DLG2: variants seen among roughly 807,000 people sequenced by gnomAD.
The protein encoded by DLG2 is discs large MAGUK scaffold protein 2.
In DLG2, 45 loss-of-function variants were observed where a neutral mutation model predicts 132.5. That is an observed-to-expected ratio of 0.34 (90% confidence interval 0.27 to 0.44). The LOEUF (loss-of-function observed/expected upper bound fraction) is 0.44. Among genes scored for constraint, DLG2 ranks in the 20% least tolerant of loss-of-function variants. The probability of loss-of-function intolerance (pLI) is 1.00; values close to 1 mark genes in which losing one functional copy is unlikely to be tolerated. For synonymous variants in DLG2, 424 were observed against 419.6 expected (o/e 1.01, Z -0.13); for missense variants, 1,045 against 1,196.9 (o/e 0.87, Z 1.87).
intron 7 of DLG2, among the ~76,000 whole-genome samples, chr11:84,516,257 G>C (rs1025590955): frequency 1.3e-5 from 2 of 151,266 alleles, no homozygotes; most frequent in African/African-American, 2.4e-5. Flanking sequence ...ATAGAGTCTA[G>C]AGAAACACTG....
At chr11:84,600,449 A>T (rs1008445250) in intron 6 of DLG2, among the ~76,000 whole-genome samples, 11 of 152,148 alleles carry the variant, frequency 7.2e-5, no homozygotes, top group Admixed American at 1.3e-4. Flanking sequence ...CCCTTCCCCT[A>T]TTCTCTCCAC....
chr11:83,872,258 A>G (rs1398344611), intron 16 of DLG2, among the ~76,000 whole-genome samples: 2 of 152,178 alleles, frequency 1.3e-5, no homozygotes, highest in Non-Finnish European at 2.9e-5. Flanking sequence ...GCGAGACTCC[A>G]TCTCAAACAA....
intron 15 of DLG2, among the ~76,000 whole-genome samples, chr11:83,912,746 GTTC>G (rs773259304): frequency 1.3e-5 from 2 of 152,096 alleles, no homozygotes; most frequent in Non-Finnish European, 2.9e-5. Flanking sequence ...ACATTGCAAA[GTTC>G]TTCTTTTCTT....
intron 5 of DLG2, among the ~76,000 whole-genome samples, chr11:85,150,350 A>G (rs1042561254): frequency 3.3e-5 from 5 of 152,084 alleles, no homozygotes; most frequent in African/African-American, 9.7e-5. Context: ...GTATCATAAG[A>G]AGAACCACAT....
At chr11:85,269,896 T>A (rs898455086) in intron 4 of DLG2, among the ~76,000 whole-genome samples, 2 of 152,174 alleles carry the variant, frequency 1.3e-5, no homozygotes, top group African/African-American at 4.8e-5. Context: ...ATAATAGTAA[T>A]AATAATACCC....
At chr11:84,586,882 A>G (rs1168590615) in intron 6 of DLG2, among the ~76,000 whole-genome samples, 1 of 152,224 alleles carries the variant, frequency 6.6e-6, no homozygotes, top group African/African-American at 2.4e-5. Context: ...AAAAAGTACA[A>G]AGACTTGAAA....
At chr11:83,474,503 T>G (rs1162510554) in intron 22 of DLG2, among the ~76,000 whole-genome samples, 1 of 152,136 alleles carries the variant, frequency 6.6e-6, no homozygotes, top group Non-Finnish European at 1.5e-5. Context: ...AGGGGAAATC[T>G]TCAACAATTA....
At chr11:84,380,385 CAA>C (rs2098745166) in intron 7 of DLG2, among the ~76,000 whole-genome samples, 2 of 151,896 alleles carry the variant, frequency 1.3e-5, no homozygotes, top group Admixed American at 6.6e-5. Context: ...CAACAAATGT[CAA>C]AGAGTCTATG....
chr11:85,122,146 G>A (rs1244005586), intron 5 of DLG2, among the ~76,000 whole-genome samples: 1 of 152,130 alleles, frequency 6.6e-6, no homozygotes, highest in Middle Eastern at 3.2e-3. Context: ...AACTTCCCCT[G>A]TCCTCAAGGA....
At chr11:84,456,014 A>C (rs926989304) in intron 7 of DLG2, among the ~76,000 whole-genome samples, 1 of 151,286 alleles carries the variant, frequency 6.6e-6, no homozygotes, top group African/African-American at 2.4e-5. Flanking sequence ...GAAAATGAGC[A>C]TAACCCTCAT....
chr11:85,159,531 C>T (rs1007007111), intron 4 of DLG2, among the ~76,000 whole-genome samples: 28 of 152,218 alleles, frequency 1.8e-4, no homozygotes, highest in African/African-American at 6.8e-4. Flanking sequence ...ATTCCCACTA[C>T]ATCCCCATTC....
chr11:85,181,664 G>A (rs2079712761), intron 4 of DLG2, among the ~76,000 whole-genome samples: 1 of 151,600 alleles, frequency 6.6e-6, no homozygotes, highest in South Asian at 2.1e-4. Flanking sequence ...TATTCATTTT[G>A]CTTCTGATTA....
chr11:83,662,088 CAGAA>C (rs2074426528), intron 18 of DLG2, among the ~76,000 whole-genome samples: 1 of 152,050 alleles, frequency 6.6e-6, no homozygotes, highest in Non-Finnish European at 1.5e-5. Flanking sequence ...GAAACAGCAG[CAGAA>C]AGAAAGTACT....
At chr11:83,899,375 G>A (rs1375248452) in intron 15 of DLG2, among the ~76,000 whole-genome samples, 1 of 152,162 alleles carries the variant, frequency 6.6e-6, no homozygotes, top group Non-Finnish European at 1.5e-5. Context: ...CTGCATTTCT[G>A]GAGGTGTGAA....
At chr11:84,859,470 C>T (rs2083322487) in intron 6 of DLG2, among the ~76,000 whole-genome samples, 1 of 141,150 alleles carries the variant, frequency 7.1e-6, no homozygotes, top group Admixed American at 7.2e-5. Flanking sequence ...ATATATATAT[C>T]CTCCTATTGG....
At chr11:83,641,667 G>A (rs751014382) in intron 18 of DLG2, among the ~76,000 whole-genome samples, 3 of 152,174 alleles carry the variant, frequency 2.0e-5, no homozygotes, top group Non-Finnish European at 2.9e-5. Context: ...CGTCAAGAGC[G>A]CTGAGCTCTG....
At chr11:85,272,836 C>A (rs1469519908) in intron 4 of DLG2, among the ~76,000 whole-genome samples, 2 of 152,074 alleles carry the variant, frequency 1.3e-5, no homozygotes, top group Non-Finnish European at 2.9e-5. Flanking sequence ...AGGCATCAAG[C>A]TACCTGACTT....
At chr11:84,733,102 T>G (rs545228530) in intron 6 of DLG2, among the ~76,000 whole-genome samples, 1 of 152,044 alleles carries the variant, frequency 6.6e-6, no homozygotes, top group African/African-American at 2.4e-5. Flanking sequence ...AATAAACATA[T>G]GTGTGCATGT....
At chr11:84,282,255 A>G (rs771582085) in intron 7 of DLG2, among the ~76,000 whole-genome samples, 1 of 152,232 alleles carries the variant, frequency 6.6e-6, no homozygotes, top group Admixed American at 6.5e-5. Flanking sequence ...GAGGACAAAC[A>G]AAAAGTACAT....
Sources: gnomAD v4.1 joint callset for allele counts (sites outside exome capture counted in the v4.1 genomes callset) on GRCh38, gnomAD v4.1.1 for gene constraint, MANE v1.5 for transcripts, NCBI Gene and HGNC (gene_info 2026-07-23, HGNC 2026-07-21) for gene names.